Variants in LPXN observed in about 807,000 individuals in gnomAD.
LPXN encodes the protein leupaxin.
A neutral mutation model predicts 45.6 loss-of-function variants in LPXN; 28 were observed. The ratio of observed to expected loss-of-function variants is 0.61; its 90% confidence interval spans 0.45 to 0.84. The LOEUF (loss-of-function observed/expected upper bound fraction) is 0.84. LPXN is among the 40% of genes least tolerant of loss of function. LPXN has a pLI of 0.00. For missense variants in LPXN, 459 were observed against 475.0 expected, an observed-to-expected ratio of 0.97 and a Z score of 0.31; for synonymous variants, 166 against 169.9, an observed-to-expected ratio of 0.98 and a Z score of 0.18.
intron 7 of LPXN, among the ~76,000 whole-genome samples, chr11:58,541,456 C>T (rs1292257080): frequency 2.6e-5 from 4 of 151,950 alleles, no homozygotes; most frequent in Non-Finnish European, 5.9e-5. Context: ...TCATCACTGG[C>T]CATCAGAGAA....
chr11:58,575,495 G>A (rs1048870011), intron 1 of LPXN, among the ~76,000 whole-genome samples: 1 of 152,162 alleles, frequency 6.6e-6, no homozygotes, highest in African/African-American at 2.4e-5. Flanking sequence ...TAACAATCCA[G>A]TCCAAAAGTA....
chr11:58,569,489 A>G (rs1274689038), intron 2 of LPXN, among the ~76,000 whole-genome samples: 1 of 151,408 alleles, frequency 6.6e-6, no homozygotes, highest in East Asian at 1.9e-4. Context: ...CCTGGGCTTA[A>G]GCAATCCTCC....
chr11:58,560,575 C>A (rs1332789890), intron 3 of LPXN, among the ~76,000 whole-genome samples: 1 of 152,108 alleles, frequency 6.6e-6, no homozygotes, highest in Non-Finnish European at 1.5e-5. Context: ...TCTTCTGCAA[C>A]CATAATAGGT....
At chr11:58,577,004 C>T (rs1276689396), upstream of LPXN, among the ~76,000 whole-genome samples, 1 of 152,088 alleles carries the variant, frequency 6.6e-6, no homozygotes, top group African/African-American at 2.4e-5. Context: ...GTTGCCCAGG[C>T]TGGTCTGGAA....
At chr11:58,557,296 C>T (rs534657684) in intron 3 of LPXN, among the ~76,000 whole-genome samples, 16 of 152,178 alleles carry the variant, frequency 1.1e-4, no homozygotes, top group Admixed American at 1.0e-3. Context: ...GTGGAAACAA[C>T]TTAAGTGTCC....
intron 2 of LPXN, among the ~76,000 whole-genome samples, chr11:58,564,797 G>A (rs986665107): frequency 3.3e-5 from 5 of 152,206 alleles, no homozygotes; most frequent in Admixed American, 3.3e-4. Flanking sequence ...CTGCATAGAG[G>A]ATGGGAAGTG....
chr11:58,573,609 T>A, intron 1 of LPXN, among the ~76,000 whole-genome samples: 1 of 152,216 alleles, frequency 6.6e-6, no homozygotes, highest in East Asian at 1.9e-4. Flanking sequence ...TTTCTCTTCC[T>A]GTTTCATATG....
intron 7 of LPXN, among the ~76,000 whole-genome samples, chr11:58,542,512 G>A (rs956172766): frequency 6.6e-6 from 1 of 151,642 alleles, no homozygotes; most frequent in African/African-American, 2.4e-5. Context: ...TAATTCAGAA[G>A]AAGAAAACAT....
chr11:58,556,936 G>A (rs1427174108), intron 3 of LPXN, among the ~76,000 whole-genome samples: 2 of 151,954 alleles, frequency 1.3e-5, no homozygotes, highest in Non-Finnish European at 2.9e-5. Flanking sequence ...TGGCCAAAAG[G>A]TATATGAAAA....
chr11:58,539,290 A>T (rs904155772), intron 7 of LPXN, among the ~76,000 whole-genome samples: 1 of 152,192 alleles, frequency 6.6e-6, no homozygotes, highest in Non-Finnish European at 1.5e-5. Flanking sequence ...AGCCTGGGAG[A>T]CAGCATGAGA....
intron 4 of LPXN, 52 bp downstream of exon 4, chr11:58,554,789 A>G (rs974570468): frequency 1.6e-5 from 23 of 1,421,722 alleles, no homozygotes; most frequent in Non-Finnish European, 2.1e-5. Context: ...GGCCCTGTTT[A>G]TCATCTGGAC....
At chr11:58,578,017 A>C (rs1565210380), upstream of LPXN, 2 of 1,550,670 alleles carry the variant, frequency 1.3e-6, no homozygotes, top group Non-Finnish European at 1.7e-6. Context: ...TGACTCACAC[A>C]CCGGAAGACG....
upstream of LPXN, among the ~76,000 whole-genome samples, chr11:58,577,304 C>T (rs1461293331): frequency 6.6e-6 from 1 of 152,118 alleles, no homozygotes; most frequent in Non-Finnish European, 1.5e-5. Flanking sequence ...ATGACATTAG[C>T]CCTATGAAAA....
intron 1 of LPXN, among the ~76,000 whole-genome samples, chr11:58,573,782 T>C (rs1854789049): frequency 6.6e-6 from 1 of 152,180 alleles, no homozygotes. Flanking sequence ...TGTAGTCTTT[T>C]ACTGTGGAGA....
Position 58,570,546 on chromosome 11 carries a change from GA to G in LPXN, c.171+9del, listed in dbSNP as rs764581751. 1 of 1,602,258 alleles carries G rather than the reference GA, an allele frequency of 6.2e-7. No homozygotes were observed. On this transcript the variant is annotated intron_variant, in intron 2 of 8. Coordinates refer to ENST00000395074, the MANE Select transcript of LPXN (RefSeq NM_004811.3). The stretch of plus-strand genomic sequence containing the variant: ...TCCATGTTTAAGGACTATAATAAAT[GA>G]AAATTTACCGGCAAGGGACTTGTGT...
chr11:58,538,338 G>T (rs1291675650), intron 7 of LPXN, among the ~76,000 whole-genome samples: 1 of 152,080 alleles, frequency 6.6e-6, no homozygotes, highest in Non-Finnish European at 1.5e-5. Flanking sequence ...GATCCCTGAG[G>T]AATCGCCACA....
Position 58,550,010 on chromosome 11 carries a change from GA to G in LPXN, c.622del (p.Ser208LeufsTer16). 1 of 1,614,220 alleles carries G rather than the reference GA, an allele frequency of 6.2e-7. No homozygotes were observed. Among genetic ancestry groups the G allele is most frequent in the Non-Finnish European group, 8.5e-7 (1 of 1,180,040 alleles). ...AGCAGCGCAGTAAGCACAGCGTGGA[GA>G]AAAAAGTTGGTGGTAGTCGTTGGGG... is the stretch of plus-strand genomic sequence containing the variant. ...YCPNDYHQLF[S>X]PRCAYCAAPI... On this transcript the variant is annotated frameshift_variant, in exon 6 of 9. Transcript: ENST00000395074. LOFTEE classifies it high-confidence loss of function.
At chr11:58,533,166 G>GT (rs1469449881) in intron 7 of LPXN, among the ~76,000 whole-genome samples, 6 of 152,200 alleles carry the variant, frequency 3.9e-5, no homozygotes, top group Admixed American at 6.5e-5. Context: ...TTTAAGAACT[G>GT]TAACACTCAC....
chr11:58,533,354 G>A (rs971836179), intron 7 of LPXN, among the ~76,000 whole-genome samples: 1 of 152,224 alleles, frequency 6.6e-6, no homozygotes. Context: ...AGCCAGAAGA[G>A]AGTGGGGGCC....
Sources: allele counts gnomAD v4.1 joint callset (sites outside exome capture counted in the v4.1 genomes callset), GRCh38; gene constraint gnomAD v4.1.1; transcripts MANE v1.5; gene names NCBI Gene and HGNC (gene_info 2026-07-23, HGNC 2026-07-21).